IFNAR2: variants seen among roughly 807,000 people sequenced by gnomAD.
IFNAR2 encodes the protein interferon alpha and beta receptor subunit 2, also known as interferon alpha/beta receptor 2.
Under a neutral mutation model 49.4 loss-of-function variants are expected in IFNAR2, and 30 were observed. The ratio of observed to expected loss-of-function variants is 0.61; its 90% CI spans 0.45 to 0.82. The LOEUF is 0.82. Among genes scored for constraint, IFNAR2 ranks in the 40% least tolerant of loss-of-function variants. The probability of loss-of-function intolerance (pLI) is 0.00; values close to 1 mark genes in which losing one functional copy is unlikely to be tolerated. For missense variants in IFNAR2, 600 were observed against 622.7 expected (o/e 0.96, Z 0.39); for synonymous variants, 224 against 234.5 (o/e 0.96, Z 0.41).
chr21:33,242,380 A>G (rs1019096121), intron 2 of IFNAR2, among the ~76,000 whole-genome samples: 1 of 152,104 alleles, frequency 6.6e-6, no homozygotes, highest in African/African-American at 2.4e-5. Flanking sequence ...GCCTCTGAGG[A>G]CATTCCCTCA....
At chr21:33,238,670 T>G (rs562891904) in intron 1 of IFNAR2, among the ~76,000 whole-genome samples, 37 of 135,198 alleles carry the variant, frequency 2.7e-4, no homozygotes, top group African/African-American at 7.4e-4. Flanking sequence ...GGTGTTTTTT[T>G]GGGGGGGTTG....
intron 8 of IFNAR2, among the ~76,000 whole-genome samples, chr21:33,261,411 CAT>C (rs1418746251): frequency 6.6e-6 from 1 of 152,140 alleles, no homozygotes; most frequent in Non-Finnish European, 1.5e-5. Context: ...TTATTATTAA[CAT>C]ACCATTTTTC....
intron 7 of IFNAR2, among the ~76,000 whole-genome samples, chr21:33,253,781 T>C (rs1988028890): frequency 6.6e-6 from 1 of 152,194 alleles, no homozygotes; most frequent in Non-Finnish European, 1.5e-5. Context: ...TTCCTCACAT[T>C]GCCATGGCAT....
At chr21:33,240,372 C>T (rs1027047345) in intron 1 of IFNAR2, among the ~76,000 whole-genome samples, 3 of 152,156 alleles carry the variant, frequency 2.0e-5, no homozygotes, top group Non-Finnish European at 2.9e-5. Flanking sequence ...ACCATATAAC[C>T]TAGATGTGTA....
chr21:33,234,409 A>T (rs1053176673), intron 1 of IFNAR2, among the ~76,000 whole-genome samples: 23 of 152,302 alleles, frequency 1.5e-4, no homozygotes, highest in African/African-American at 5.1e-4. Flanking sequence ...GTACTTTTTC[A>T]TATTTTTCTA....
At chr21:33,249,908 T>C (rs557678579) in intron 6 of IFNAR2, among the ~76,000 whole-genome samples, 1 of 151,788 alleles carries the variant, frequency 6.6e-6, no homozygotes, top group Non-Finnish European at 1.5e-5. Flanking sequence ...AGGCAGGAGA[T>C]GAAGAGGAGG....
At chr21:33,257,146 CCAGT>C (rs369435144) in intron 7 of IFNAR2, among the ~76,000 whole-genome samples, 1 of 152,260 alleles carries the variant, frequency 6.6e-6, no homozygotes, top group African/African-American at 2.4e-5. Flanking sequence ...AAGTCAGCAG[CCAGT>C]CAGTTACTGG....
At chr21:33,236,849 T>C (rs1986500391) in intron 1 of IFNAR2, 1 of 984,892 alleles carries the variant, frequency 1.0e-6, no homozygotes, top group African/African-American at 1.8e-5. Context: ...GGCCTGGGGG[T>C]ACTGAGACTA....
intron 7 of IFNAR2, among the ~76,000 whole-genome samples, chr21:33,259,497 A>G (rs1033480169): frequency 1.3e-5 from 2 of 152,216 alleles, no homozygotes; most frequent in South Asian, 4.1e-4. Flanking sequence ...TTATCCTAGC[A>G]TATTAACTAC....
chr21:33,234,761 G>A (rs1986322716), intron 1 of IFNAR2: 4 of 984,956 alleles, frequency 4.1e-6, no homozygotes, highest in Non-Finnish European at 1.2e-6. Context: ...GACAAAATTG[G>A]GGTTCAGCCT....
chr21:33,237,930 A>C (rs1487932096), intron 1 of IFNAR2, among the ~76,000 whole-genome samples: 1 of 152,174 alleles, frequency 6.6e-6, no homozygotes, highest in Non-Finnish European at 1.5e-5. Flanking sequence ...CAAAGAGATA[A>C]AGCAGATAAG....
At chr21:33,259,392 A>G (rs1988421296) in intron 7 of IFNAR2, among the ~76,000 whole-genome samples, 2 of 152,126 alleles carry the variant, frequency 1.3e-5, no homozygotes, top group Admixed American at 6.5e-5. Context: ...TGAGATTTCT[A>G]TTTTTTAGAT....
At chr21:33,248,924 T>C in intron 6 of IFNAR2, 70 bp downstream of exon 6, 1 of 1,144,090 alleles carries the variant, frequency 8.7e-7, no homozygotes, top group South Asian at 1.6e-5. Flanking sequence ...CTGTCTCTTT[T>C]GAAAGGAAAT....
chr21:33,243,361 A>T (rs1202147427), intron 2 of IFNAR2, among the ~76,000 whole-genome samples: 1 of 152,018 alleles, frequency 6.6e-6, no homozygotes, highest in Admixed American at 6.6e-5. Context: ...GGGATTACAG[A>T]CGTGAGCCAC....
Position 33,230,493 on chromosome 21 carries a change from C to T in IFNAR2, c.-84+277C>T, listed in dbSNP as rs1430265358. 3 of 470,074 alleles carry T rather than the reference C, an allele frequency of 6.4e-6. No homozygotes were observed. The highest frequency in any genetic ancestry group is 1.3e-5 in the Non-Finnish European group (3 of 226,628). 29.1% of individuals were successfully genotyped at this position (470,074 alleles called of 1,614,324 possible). ...TGCTGGGAGTCCGCTTTCGTTGCAC[C>T]CCTCCGCGTCCCACCCCACCCCACC... is the stretch of plus-strand genomic sequence containing the variant. On this transcript the variant is annotated intron_variant, in intron 1 of 8. Transcript: ENST00000342136. This position sits in a 1 kb window ranked among gnomAD's most constrained non-coding sequence, Gnocchi z 5.5.
In IFNAR2 at chr21:33,264,601, T is replaced by A. The variant is rs1448448319; in HGVS notation, c.*1101T>A. 1 of 151,748 alleles carries A rather than the reference T, an allele frequency of 6.6e-6. No individual in the cohort carries two copies. The highest frequency in any genetic ancestry group is 2.4e-5 in the African/African-American group (1 of 41,268). The allele number at this position is 151,748 out of a possible 1,614,324, so 9.4% of individuals were successfully genotyped here. A position where few individuals can be genotyped will look rare whatever the true frequency, so the allele number is the denominator to read the frequency against. On this transcript the variant is annotated 3_prime_UTR_variant, in exon 9 of 9. Coordinates refer to ENST00000342136, the MANE Select transcript of IFNAR2 (RefSeq NM_001289125.3). The stretch of plus-strand genomic sequence containing the variant: ...TTTCAGGGACCCTATTTGACAATTT[T>A]CAGAGTGCTCTCTATGCTGATTCCG...
Position 33,262,686 on chromosome 21 carries a change from C to A in IFNAR2, c.841-107C>A, listed in dbSNP as rs72550721. ...TAAGCTTCCCCAGTAGCTGGGATTA[C>A]AAGCGTGCATCCCTGTGCCCCAGTG... is the stretch of plus-strand genomic sequence containing the variant. On this transcript the variant is annotated intron_variant, in intron 8 of 8. Transcript: ENST00000342136. 1,999 of 1,470,354 alleles carry A rather than the reference C, an allele frequency of 1.4e-3. 42 individuals carry two copies. The East Asian group carries it at 0.041, about 30-fold the overall frequency. The allele number at this position is 1,470,354 out of a possible 1,614,324, so 91.1% of individuals were successfully genotyped here.
intron 5 of IFNAR2, among the ~76,000 whole-genome samples, chr21:33,247,920 T>C (rs1376630715): frequency 6.6e-6 from 1 of 152,234 alleles, no homozygotes; most frequent in African/African-American, 2.4e-5. Context: ...GCTGGATTTG[T>C]GTGCATGTTT....
chr21:33,256,190 T>A (rs943465911), intron 7 of IFNAR2, among the ~76,000 whole-genome samples: 6 of 152,180 alleles, frequency 3.9e-5, no homozygotes, highest in African/African-American at 1.4e-4. Flanking sequence ...CTCCCCTGAC[T>A]CTTTTCCATT....
Sources: gnomAD v4.1 joint callset for allele counts (sites outside exome capture counted in the v4.1 genomes callset) on GRCh38, gnomAD v4.1.1 for gene constraint, Gnocchi (gnomAD v3.1) non-coding constraint, MANE v1.5 for transcripts, NCBI Gene and HGNC (gene_info 2026-07-23, HGNC 2026-07-21) for gene names.